The following ISM1 variants were observed in gnomAD, a reference collection of about 807,000 sequenced individuals.
ISM1 encodes the protein isthmin 1.
A neutral mutation model predicts 46.3 loss-of-function variants in ISM1; 25 were observed. That is an observed-to-expected ratio of 0.54 (90% CI 0.39 to 0.75). ISM1 has a LOEUF of 0.75. ISM1 is among the 30% of genes least tolerant of loss of function. The probability of loss-of-function intolerance (pLI) is 0.00; values close to 1 mark genes in which losing one functional copy is unlikely to be tolerated. For missense variants in ISM1, 536 were observed against 625.4 expected (o/e 0.86, Z 1.52); for synonymous variants, 255 against 256.7 (o/e 0.99, Z 0.06).
intron 5 of ISM1, 21 bp from the exon 6 acceptor site, chr20:13,298,921 T>G: frequency 6.2e-7 from 1 of 1,609,546 alleles, no homozygotes; most frequent in Non-Finnish European, 8.5e-7. Context: ...GGTGAGAGGG[T>G]TTCTCTTTGG....
chr20:13,254,684 G>A (rs1016829143), intron 1 of ISM1, among the ~76,000 whole-genome samples: 1 of 152,202 alleles, frequency 6.6e-6, no homozygotes, highest in African/African-American at 2.4e-5. Flanking sequence ...CTCAGAGGCA[G>A]ATGACTGTGC....
the ISM1 span, among the ~76,000 whole-genome samples, chr20:13,307,505 T>C: frequency 6.6e-6 from 1 of 152,186 alleles, no homozygotes. Flanking sequence ...GTACACTTTT[T>C]AAAAACTGAA....
At chr20:13,326,064 T>A in the ISM1 span, among the ~76,000 whole-genome samples, 1 of 152,162 alleles carries the variant, frequency 6.6e-6, no homozygotes, top group Non-Finnish European at 1.5e-5. Flanking sequence ...AAACATGCAG[T>A]GTGTTACCTT....
chr20:13,271,906 G>A (rs2040119839), intron 2 of ISM1, among the ~76,000 whole-genome samples: 1 of 152,042 alleles, frequency 6.6e-6, no homozygotes. Context: ...AGCCTCCCGA[G>A]TAGCTGGAAC....
At chr20:13,238,353 A>C (rs2039676967) in intron 1 of ISM1, among the ~76,000 whole-genome samples, 1 of 152,224 alleles carries the variant, frequency 6.6e-6, no homozygotes, top group Admixed American at 6.5e-5. Flanking sequence ...ACTTCAAACC[A>C]GAGGGCCACC....
At chr20:13,259,446 A>G (rs1053150593) in intron 1 of ISM1, among the ~76,000 whole-genome samples, 3 of 152,232 alleles carry the variant, frequency 2.0e-5, no homozygotes, top group Non-Finnish European at 1.5e-5. Context: ...AAACTGTCCA[A>G]ATAAAATTTT....
chr20:13,324,670 A>G, the ISM1 span, among the ~76,000 whole-genome samples: 1 of 152,228 alleles, frequency 6.6e-6, no homozygotes, highest in Non-Finnish European at 1.5e-5. Flanking sequence ...TGATGCCTAC[A>G]AAGTGTCTTC....
intron 2 of ISM1, among the ~76,000 whole-genome samples, chr20:13,279,140 A>G (rs930114006): frequency 3.3e-5 from 5 of 152,188 alleles, no homozygotes; most frequent in Non-Finnish European, 7.3e-5. Context: ...CAAGAGTTAA[A>G]TAATACAGGT....
At chr20:13,259,793 C>T (rs2039968313) in intron 1 of ISM1, among the ~76,000 whole-genome samples, 1 of 152,214 alleles carries the variant, frequency 6.6e-6, no homozygotes. Flanking sequence ...AGTGAAGATA[C>T]ATGCTCCTAC....
intron 1 of ISM1, among the ~76,000 whole-genome samples, chr20:13,243,007 T>A (rs1232530416): frequency 6.6e-6 from 1 of 152,224 alleles, no homozygotes; most frequent in Non-Finnish European, 1.5e-5. Context: ...ACAATAAGGT[T>A]AAGTACCTTG....
chr20:13,247,469 G>A (rs1487797747), intron 1 of ISM1, among the ~76,000 whole-genome samples: 4 of 151,684 alleles, frequency 2.6e-5, no homozygotes, highest in South Asian at 2.1e-4. Context: ...GGACACCTTC[G>A]CCGGATGCTG....
the ISM1 span, among the ~76,000 whole-genome samples, chr20:13,322,736 T>C: frequency 6.6e-6 from 1 of 152,118 alleles, no homozygotes; most frequent in Non-Finnish European, 1.5e-5. Flanking sequence ...GGGGGTGGAA[T>C]ATGTGATCTT....
At chr20:13,246,463 G>T (rs1488225667) in intron 1 of ISM1, among the ~76,000 whole-genome samples, 1 of 152,138 alleles carries the variant, frequency 6.6e-6, no homozygotes, top group African/African-American at 2.4e-5. Flanking sequence ...ACCAGCAACT[G>T]TAGCTTACTC....
Position 13,234,043 on chromosome 20 carries a change from C to CTGGGCTTTTAG in ISM1, c.138+12132_138+12142dup, listed in dbSNP as rs1407599608. ...TGCGTATATTGTGTAGTAGTGAAGT[C>CTGGGCTTTTAG]TGGGCTTTTAGTGTACTCATCACCT... On this transcript the variant is annotated intron_variant, in intron 1 of 5. Coordinates refer to ENST00000262487, the MANE Select transcript of ISM1 (RefSeq NM_080826.2). 1.8e-4 allele frequency among the ~76,000 whole-genome samples: 28 copies of CTGGGCTTTTAG among 152,198 alleles called. 1 individual carries two copies. The highest frequency in any genetic ancestry group is 1.0e-3 in the Admixed American group (16 of 15,300).
At chr20:13,318,197 A>G in the ISM1 span, among the ~76,000 whole-genome samples, 1 of 148,898 alleles carries the variant, frequency 6.7e-6, no homozygotes, top group Non-Finnish European at 1.5e-5. Context: ...CACTTCACCA[A>G]AGAAGATATA....
intron 1 of ISM1, among the ~76,000 whole-genome samples, chr20:13,252,402 G>T (rs1256652985): frequency 6.6e-6 from 1 of 152,178 alleles, no homozygotes; most frequent in African/African-American, 2.4e-5. Flanking sequence ...TATCCTTGCT[G>T]ATGGGTTCAT....
At chr20:13,265,042 G>T (rs2040027795) in intron 1 of ISM1, among the ~76,000 whole-genome samples, 1 of 152,146 alleles carries the variant, frequency 6.6e-6, no homozygotes, top group African/African-American at 2.4e-5. Context: ...AAGACTGTGC[G>T]TTGGGCCCGA....
chr20:13,299,114 C>T lies in ISM1; in HGVS notation c.1050C>T (p.Asp350=), dbSNP rs572363345. The change falls in exon 6 of 6, where the codon GAC becomes GAT. Residue 350 remains aspartate, a synonymous_variant. Transcript: ENST00000262487. This position sits in a 1 kb window ranked among gnomAD's most constrained non-coding sequence, Gnocchi z 5.8. Reference sequence around the variant, plus strand: ...AGCGCAAGGACTTCCGCTGGAAGGACGCCAGCGGGCCCAAGGAGAAGCTGG... The same window carrying T: ...AGCGCAAGGACTTCCGCTGGAAGGATGCCAGCGGGCCCAAGGAGAAGCTGG... The part of the protein sequence containing the change: ...RIKRKDFRWK[D]ASGPKEKLEI... 4.3e-6 allele frequency: 7 copies of T among 1,613,544 alleles called. No individual in the cohort carries two copies. In the East Asian group the frequency reaches 8.9e-5, roughly 21 times the overall value.
the ISM1 span, among the ~76,000 whole-genome samples, chr20:13,324,363 GT>G: frequency 6.6e-6 from 1 of 152,214 alleles, no homozygotes; most frequent in East Asian, 1.9e-4. Context: ...TGTGAGGTGT[GT>G]TTTTTAAATA....
Sources: gnomAD v4.1 joint callset for allele counts (sites outside exome capture counted in the v4.1 genomes callset) on GRCh38, gnomAD v4.1.1 for gene constraint, Gnocchi (gnomAD v3.1) non-coding constraint, MANE v1.5 for transcripts, NCBI Gene and HGNC (gene_info 2026-07-23, HGNC 2026-07-21) for gene names.